SPPL2B: variants seen among roughly 807,000 people sequenced by gnomAD.
SPPL2B encodes signal peptide peptidase-like 2B.
In SPPL2B, 39 loss-of-function variants were observed where a neutral mutation model predicts 59.7. The ratio of observed to expected loss-of-function variants is 0.65; its 90% CI spans 0.51 to 0.85. The LOEUF (loss-of-function observed/expected upper bound fraction) is 0.85, where lower values mean the gene tolerates loss of function less well. Ranked by LOEUF, SPPL2B falls within the 40% of genes least tolerant of loss-of-function variation. SPPL2B has a pLI of 0.00. For missense variants in SPPL2B, 865 were observed against 849.0 expected (o/e 1.02, Z -0.23); for synonymous variants, 419 against 370.8 (o/e 1.13, Z -1.49).
At chr19:2,339,031 G>T (rs926995577) in intron 4 of SPPL2B, 38 bp from the exon 5 acceptor site, 14 of 1,535,198 alleles carry the variant, frequency 9.1e-6, no homozygotes, top group Non-Finnish European at 1.2e-5. Flanking sequence ...GCTGGCGGGT[G>T]GCTCTGACGC....
rs1969239592 is a variant in SPPL2B, at chr19:2,344,314, C to T, written c.1114-48C>T. Reference sequence around the variant, plus strand: ...TCGCCCCATCACCCCACTCCCCTGCCCCCCCACCCCATCACCACGCTCCCT... The same window carrying T: ...TCGCCCCATCACCCCACTCCCCTGCTCCCCCACCCCATCACCACGCTCCCT... On this transcript the variant is annotated intron_variant, in intron 10 of 14. Coordinates refer to ENST00000613503, the MANE Select transcript of SPPL2B (RefSeq NM_152988.3). 3.8e-6 allele frequency: 3 copies of T among 784,416 alleles called. 1 individual carries two copies. Among genetic ancestry groups the T allele is most frequent in the Non-Finnish European group, 6.1e-6 (3 of 493,826 alleles). The allele number at this position is 784,416 out of a possible 1,614,324, so 48.6% of individuals were successfully genotyped here. A position where few individuals can be genotyped will look rare whatever the true frequency, so the allele number is the denominator to read the frequency against.
At chr19:2,337,799 C>G (rs1003152353) in intron 3 of SPPL2B, 174 bp downstream of exon 3, 1 of 647,842 alleles carries the variant, frequency 1.5e-6, no homozygotes, top group African/African-American at 1.9e-5. Context: ...CCGAGTGTGG[C>G]CGTGGGGAGG....
chr19:2,341,912 C>T (rs540645319), intron 8 of SPPL2B: 1 of 234,642 alleles, frequency 4.3e-6, no homozygotes, highest in African/African-American at 2.3e-5. Context: ...GCCTGGGCAA[C>T]AAGCGAGACG....
At chr19:2,345,210 G>T in intron 12 of SPPL2B, 43 bp from the exon 13 acceptor site, 1 of 1,579,878 alleles carries the variant, frequency 6.3e-7, no homozygotes, top group East Asian at 2.2e-5. Context: ...CTGCTCTGAG[G>T]CTCTGCGGGC....
chr19:2,344,467 G>A, intron 11 of SPPL2B, 43 bp downstream of exon 11: 1 of 1,567,878 alleles, frequency 6.4e-7, no homozygotes, highest in South Asian at 1.2e-5. Context: ...CATGGGTCAA[G>A]GTGTTGCGCG....
At chr19:2,340,601 G>A (rs1029141479) in intron 7 of SPPL2B, 7 of 545,294 alleles carry the variant, frequency 1.3e-5, no homozygotes, top group South Asian at 1.0e-4. Context: ...TTGTGTTGCC[G>A]TCCCTGGGTG....
chr19:2,350,928 C>T (rs111418527), intron 13 of SPPL2B, among the ~76,000 whole-genome samples: 3,102 of 152,342 alleles, frequency 0.02, 53 homozygotes, highest in African/African-American at 0.041. Context: ...ACTGGGGGCA[C>T]GGCCCCGGTG....
In SPPL2B at chr19:2,328,762, T is replaced by C; in HGVS notation, c.53T>C (p.Leu18Pro). The C allele has an allele frequency of 1.4e-6, 2 of 1,459,638 alleles. No homozygotes were observed. The highest frequency in any genetic ancestry group is 1.8e-6 in the Non-Finnish European group (2 of 1,114,176). The allele number at this position is 1,459,638 out of a possible 1,614,324, so 90.4% of individuals were successfully genotyped here. The change falls in exon 1 of 15, where the codon CTC becomes CCC. Residue 18 changes from leucine (L) to proline (P), a missense_variant. Physicochemically the swap from Leu to Pro is moderately conservative, Grantham distance 98. Coordinates refer to ENST00000613503, the MANE Select transcript of SPPL2B (RefSeq NM_152988.3). ...ALARLLAAFL[L>P]LAAQVACEYG... ...GCGCGGCTTTTGGCGGCCTTTCTGC[T>C]CCTCGCGGCCCAGGTGAGCGCGGCA... is the stretch of plus-strand genomic sequence containing the variant.
At chr19:2,342,885 C>G (rs1331477510) in intron 8 of SPPL2B, 2 of 351,320 alleles carry the variant, frequency 5.7e-6, no homozygotes, top group East Asian at 1.1e-4. Flanking sequence ...GTCCACCGTC[C>G]TGGCCCCACC....
rs1010419987 is a variant in SPPL2B, at chr19:2,332,218, C to T, written c.67-2384C>T. On this transcript the variant is annotated intron_variant, in intron 1 of 14. Coordinates refer to ENST00000613503, the MANE Select transcript of SPPL2B (RefSeq NM_152988.3). The surrounding 1 kb of genome is among the most constrained non-coding windows in gnomAD (Gnocchi z 4.6). ...CAGTCGATTGTGGGGACCGGGGCTCCGTGGGCTTTCACCATGCTGCCACCC... is the reference window on the plus strand; with the variant it reads ...CAGTCGATTGTGGGGACCGGGGCTCTGTGGGCTTTCACCATGCTGCCACCC... 1.3e-5 allele frequency among the ~76,000 whole-genome samples: 2 copies of T among 152,186 alleles called. No individual in the cohort carries two copies. Among genetic ancestry groups the T allele is most frequent in the Admixed American group, 6.5e-5 (1 of 15,282 alleles).
chr19:2,352,154 T>G (rs1021895757), intron 14 of SPPL2B, among the ~76,000 whole-genome samples: 2 of 149,776 alleles, frequency 1.3e-5, no homozygotes, highest in East Asian at 3.9e-4. Flanking sequence ...GTTCTGCTCT[T>G]GTGATTTTTT....
Position 2,339,828 on chromosome 19 carries a change from T to C in SPPL2B, c.604T>C (p.Tyr202His), listed in dbSNP as rs1216548613. The C allele has an allele frequency of 3.7e-6, 6 of 1,606,306 alleles. No individual in the cohort carries two copies. The Admixed American group carries it at 1.0e-4, about 27-fold the overall frequency. The change falls in exon 6 of 15, where the codon TAC (tyrosine) becomes CAC (histidine). Residue 202 changes from tyrosine (Y) to histidine (H), a missense_variant. By Grantham distance (83) the Tyr-to-His change is moderately conservative. Transcript: ENST00000613503. Reference sequence around the variant, plus strand: ...GACCCCATGGTGTCTCCCAAGAAGGTACATGAAGCACAAGCGCGACGATGG... The same window carrying C: ...GACCCCATGGTGTCTCCCAAGAAGGCACATGAAGCACAAGCGCGACGATGG... Reference protein sequence around the residue: ...WAGSRDVKKRYMKHKRDDGPE... With the variant: ...WAGSRDVKKRHMKHKRDDGPE...
intron 10 of SPPL2B, 31 bp from the exon 11 acceptor site, chr19:2,344,302 CCACTCCCCTGCCCCCCCACCCCATCACCA>C: frequency 1.3e-6 from 1 of 756,730 alleles, no homozygotes. Flanking sequence ...CCCCATCACC[CCACTCCCCTGCCCCCCCACCCCATCACCA>C]CGCTCCCTCA....
rs1288018232 is a variant in SPPL2B at position 2,332,987 on chromosome 19, G to A, written c.67-1615G>A. Among the ~76,000 whole-genome samples, 5 of 138,214 alleles carry A rather than the reference G, an allele frequency of 3.6e-5. No homozygotes were observed. Among genetic ancestry groups the A allele is most frequent in the African/African-American group, 1.4e-4 (5 of 36,488 alleles). The allele number at this position is 138,214 out of a possible 152,430, so 90.7% of individuals were successfully genotyped here. On this transcript the variant is annotated intron_variant, in intron 1 of 14. Coordinates refer to ENST00000613503, the MANE Select transcript of SPPL2B (RefSeq NM_152988.3). This position sits in a 1 kb window ranked among gnomAD's most constrained non-coding sequence, Gnocchi z 4.6. ...GGAGGGGGAGCAGGAGGAGGGTGGG[G>A]ATGGCAGGTGCGGGCGGCTGGACTG...
intron 14 of SPPL2B, among the ~76,000 whole-genome samples, chr19:2,352,433 CAT>C (rs1218220097): frequency 6.6e-6 from 1 of 152,148 alleles, no homozygotes; most frequent in Admixed American, 6.5e-5. Context: ...GGTCCTACGT[CAT>C]GTTTTTGTGG....
intron 8 of SPPL2B, chr19:2,342,399 C>T (rs1315192254): frequency 2.0e-5 from 3 of 152,292 alleles, no homozygotes; most frequent in Non-Finnish European, 4.4e-5. Context: ...TGCCTGTAAT[C>T]CCAGCACTTT....
At chr19:2,329,538 C>T (rs1568424695) in intron 1 of SPPL2B, among the ~76,000 whole-genome samples, 2 of 152,154 alleles carry the variant, frequency 1.3e-5, no homozygotes, top group East Asian at 3.8e-4. Context: ...CCAAATCTTC[C>T]CTCTCTCCTG....
At chr19:2,335,258 T>C (rs4807231) in intron 2 of SPPL2B, among the ~76,000 whole-genome samples, 5,181 of 92,442 alleles carry the variant, frequency 0.056, 73 homozygotes, top group East Asian at 0.14. Flanking sequence ...CACTGCATCC[T>C]TCAGGCCCCG....
At chr19:2,331,276 C>T (rs1298055022) in intron 1 of SPPL2B, among the ~76,000 whole-genome samples, 4 of 152,230 alleles carry the variant, frequency 2.6e-5, no homozygotes, top group Non-Finnish European at 4.4e-5. Context: ...GATGCTTTCA[C>T]AGTCACTTGG....
Sources: allele counts gnomAD v4.1 joint callset (sites outside exome capture counted in the v4.1 genomes callset), GRCh38; gene constraint gnomAD v4.1.1; non-coding constraint Gnocchi (gnomAD v3.1); transcripts MANE v1.5; gene names NCBI Gene and HGNC (gene_info 2026-07-23, HGNC 2026-07-21).